The following CDK14 variants were observed in gnomAD, a reference collection of about 807,000 sequenced individuals.
CDK14 encodes the protein cyclin-dependent kinase 14.
In CDK14, 34 loss-of-function variants were observed where a neutral mutation model predicts 60.7. The ratio of observed to expected loss-of-function variants is 0.56; its 90% CI spans 0.43 to 0.75. The LOEUF (loss-of-function observed/expected upper bound fraction) is 0.75. CDK14 is among the 30% of genes least tolerant of loss of function. The pLI is 0.00. For missense variants in CDK14, 482 were observed against 564.1 expected (o/e 0.85, Z 1.47); for synonymous variants, 197 against 203.7 (o/e 0.97, Z 0.28).
intron 14 of CDK14, among the ~76,000 whole-genome samples, chr7:91,127,028 G>T (rs905773876): frequency 4.6e-5 from 7 of 152,100 alleles, no homozygotes; most frequent in African/African-American, 1.7e-4. Flanking sequence ...GAGGCAGGGG[G>T]TGCCACCTGG....
At chr7:90,956,126 G>A (rs914262313) in intron 9 of CDK14, among the ~76,000 whole-genome samples, 4 of 152,246 alleles carry the variant, frequency 2.6e-5, no homozygotes, top group Admixed American at 2.0e-4. Flanking sequence ...AGGGAAGTAT[G>A]TATCTCCAGA....
intron 3 of CDK14, among the ~76,000 whole-genome samples, chr7:90,728,570 T>G (rs1266086942): frequency 6.6e-6 from 1 of 152,156 alleles, no homozygotes; most frequent in Non-Finnish European, 1.5e-5. Flanking sequence ...CTTCATATGT[T>G]TCTGAGGATA....
intron 11 of CDK14, among the ~76,000 whole-genome samples, chr7:91,060,655 A>G (rs1797752979): frequency 6.6e-6 from 1 of 152,100 alleles, no homozygotes; most frequent in African/African-American, 2.4e-5. Flanking sequence ...TCCTTCACTT[A>G]TGAAACTTAG....
intron 2 of CDK14, among the ~76,000 whole-genome samples, chr7:90,633,352 A>T (rs754678590): frequency 6.6e-6 from 1 of 152,196 alleles, no homozygotes; most frequent in Non-Finnish European, 1.5e-5. Context: ...TAAGTTAGAA[A>T]TAATTATTAA....
intron 9 of CDK14, among the ~76,000 whole-genome samples, chr7:90,967,177 G>GGGAAGGAAGGAA (rs3832536): frequency 7.3e-6 from 1 of 136,376 alleles, no homozygotes; most frequent in African/African-American, 2.8e-5. Flanking sequence ...GAAGGAAGGA[G>GGGAAGGAAGGAA]GGAAGGAAGG....
intron 4 of CDK14, among the ~76,000 whole-genome samples, chr7:90,763,664 G>A (rs745483568): frequency 1.1e-4 from 16 of 150,440 alleles, no homozygotes; most frequent in South Asian, 4.3e-4. Flanking sequence ...GGGGCCTGTC[G>A]TGGGGTGGGG....
At chr7:91,139,948 GA>G (rs1447733581) in intron 14 of CDK14, among the ~76,000 whole-genome samples, 2 of 150,722 alleles carry the variant, frequency 1.3e-5, no homozygotes, top group Admixed American at 1.3e-4. Flanking sequence ...TAATCCCATT[GA>G]AAAAAACTCT....
intron 2 of CDK14, among the ~76,000 whole-genome samples, chr7:90,711,372 CT>C (rs1412055374): frequency 6.7e-6 from 1 of 150,210 alleles, no homozygotes. Context: ...TTTTTTTAAA[CT>C]TTTTTTTTCT....
At chr7:91,025,809 A>T (rs1203442261) in intron 10 of CDK14, among the ~76,000 whole-genome samples, 1 of 152,192 alleles carries the variant, frequency 6.6e-6, no homozygotes, top group African/African-American at 2.4e-5. Context: ...TTTTCAGTTT[A>T]ATTTTGTATA....
chr7:90,802,696 G>A lies in CDK14; in HGVS notation c.544+12044G>A, dbSNP rs553154413. Among the ~76,000 whole-genome samples the A allele has an allele frequency of 3.3e-5, 5 of 152,092 alleles. No individual in the cohort carries two copies. The South Asian group carries it at 1.0e-3, about 32-fold the overall frequency. Reference sequence around the variant, plus strand: ...ACGACTCAACTTACAGGCTTCTTGGGACATTATATCCATCAAATATGAACA... The same window carrying A: ...ACGACTCAACTTACAGGCTTCTTGGAACATTATATCCATCAAATATGAACA... On this transcript the variant is annotated intron_variant, in intron 5 of 14. Transcript: ENST00000380050.
At chr7:90,715,494 C>T (rs1340806058) in intron 2 of CDK14, among the ~76,000 whole-genome samples, 1 of 151,956 alleles carries the variant, frequency 6.6e-6, no homozygotes, top group African/African-American at 2.4e-5. Context: ...TCCCCTTCGC[C>T]AGCTTAGTTC....
At chr7:91,131,834 A>G (rs1362734191) in intron 14 of CDK14, among the ~76,000 whole-genome samples, 1 of 152,186 alleles carries the variant, frequency 6.6e-6, no homozygotes, top group Non-Finnish European at 1.5e-5. Flanking sequence ...ATATCAGAAT[A>G]CAGGAACTCG....
intron 7 of CDK14, among the ~76,000 whole-genome samples, chr7:90,915,071 G>A (rs2117408881): frequency 6.6e-6 from 1 of 152,280 alleles, no homozygotes; most frequent in Non-Finnish European, 1.5e-5. Context: ...GAAGGCTCTA[G>A]GGAGGAGCAG....
At chr7:90,927,732 T>C (rs1793460415) in intron 8 of CDK14, among the ~76,000 whole-genome samples, 1 of 152,200 alleles carries the variant, frequency 6.6e-6, no homozygotes, top group African/African-American at 2.4e-5. Flanking sequence ...TGGCATTCTC[T>C]GTATTTCCTG....
At chr7:90,670,636 G>A (rs1426643956) in intron 2 of CDK14, among the ~76,000 whole-genome samples, 1 of 150,052 alleles carries the variant, frequency 6.7e-6, no homozygotes, top group Admixed American at 6.7e-5. Flanking sequence ...ACATCACTTG[G>A]CAAGAGCAGG....
intron 2 of CDK14, among the ~76,000 whole-genome samples, chr7:90,712,192 G>A (rs1802087325): frequency 6.6e-6 from 1 of 151,538 alleles, no homozygotes; most frequent in African/African-American, 2.4e-5. Flanking sequence ...TAATTCAGTG[G>A]CATTAGATAT....
chr7:91,015,827 T>C (rs1584234205), intron 10 of CDK14, among the ~76,000 whole-genome samples: 2 of 152,060 alleles, frequency 1.3e-5, no homozygotes, highest in East Asian at 3.8e-4. Context: ...CACAAAAATA[T>C]TTGTTAGATT....
rs368476959 is a variant in CDK14, at chr7:91,192,537, T to C, written c.*29-14628T>C. Among the ~76,000 whole-genome samples, 13 of 152,290 alleles carry C rather than the reference T, an allele frequency of 8.5e-5. No individual in the cohort carries two copies. In the South Asian group the frequency reaches 1.5e-3, roughly 17 times the overall value. ...GCAATCCCTTCTGAGAGGGAACTTA[T>C]GGGTGGCCACACTAAGAATAATTGC... On this transcript the variant is annotated intron_variant, in intron 14 of 14. Transcript: ENST00000380050.
chr7:90,723,033 G>C (rs1435021430), intron 2 of CDK14, among the ~76,000 whole-genome samples: 1 of 152,086 alleles, frequency 6.6e-6, no homozygotes, highest in African/African-American at 2.4e-5. Flanking sequence ...CCTGTTTTTA[G>C]GTGAAAAGCA....
Sources: gnomAD v4.1 joint callset for allele counts (sites outside exome capture counted in the v4.1 genomes callset) on GRCh38, gnomAD v4.1.1 for gene constraint, MANE v1.5 for transcripts, NCBI Gene and HGNC (gene_info 2026-07-23, HGNC 2026-07-21) for gene names.